Variants in IQGAP2 observed in about 807,000 individuals in gnomAD.
IQGAP2 encodes ras GTPase-activating-like protein IQGAP2.
Under a neutral mutation model 201.3 loss-of-function variants are expected in IQGAP2, and 173 were observed. The ratio of observed to expected loss-of-function variants is 0.86; its 90% CI spans 0.76 to 0.98. IQGAP2 has a LOEUF of 0.98. Ranked by LOEUF, IQGAP2 falls within the 50% of genes least tolerant of loss-of-function variation. The pLI, the probability that IQGAP2 is intolerant of heterozygous loss-of-function variation, is 0.00. For missense variants in IQGAP2, 1,687 were observed against 1,864.8 expected, an observed-to-expected ratio of 0.90 and a Z score of 1.76; for synonymous variants, 675 against 673.9, an observed-to-expected ratio of 1.00 and a Z score of -0.03.
intron 16 of IQGAP2, among the ~76,000 whole-genome samples, chr5:76,638,140 G>A (rs1751290313): frequency 6.6e-6 from 1 of 152,094 alleles, no homozygotes; most frequent in African/African-American, 2.4e-5. Context: ...TCTCTTTTTG[G>A]GGGAACATTT....
At chr5:76,520,839 A>T (rs372172634) in intron 2 of IQGAP2, among the ~76,000 whole-genome samples, 2 of 150,674 alleles carry the variant, frequency 1.3e-5, no homozygotes, top group South Asian at 2.1e-4. Flanking sequence ...TCCCGAGTGG[A>T]TGGGATTACA....
intron 2 of IQGAP2, among the ~76,000 whole-genome samples, chr5:76,484,618 G>A (rs376732794): frequency 1.3e-5 from 2 of 151,678 alleles, no homozygotes; most frequent in Non-Finnish European, 2.9e-5. Flanking sequence ...AAACCTGCAC[G>A]TTGTGCACAT....
chr5:76,580,717 C>T (rs960613195), intron 5 of IQGAP2, among the ~76,000 whole-genome samples: 1 of 152,128 alleles, frequency 6.6e-6, no homozygotes, highest in African/African-American at 2.4e-5. Context: ...CTCTTTCTGG[C>T]CCACTTCCTT....
At chr5:76,685,395 G>C (rs1745648172) in intron 30 of IQGAP2, among the ~76,000 whole-genome samples, 1 of 152,122 alleles carries the variant, frequency 6.6e-6, no homozygotes, top group African/African-American at 2.4e-5. Flanking sequence ...TTCTTAATTA[G>C]TTTTGTCTGC....
At chr5:76,611,754 A>G (rs1282553068) in intron 13 of IQGAP2, among the ~76,000 whole-genome samples, 1 of 152,208 alleles carries the variant, frequency 6.6e-6, no homozygotes, top group Non-Finnish European at 1.5e-5. Flanking sequence ...CTCGAAGACT[A>G]GTGGCTTTTT....
chr5:76,587,758 A>G (rs1746350749), intron 5 of IQGAP2, among the ~76,000 whole-genome samples: 2 of 152,042 alleles, frequency 1.3e-5, no homozygotes, highest in African/African-American at 4.8e-5. Flanking sequence ...CCTAGCCAAC[A>G]TGGTGAAACC....
intron 1 of IQGAP2, among the ~76,000 whole-genome samples, chr5:76,418,217 A>G (rs1423632031): frequency 6.6e-6 from 1 of 151,774 alleles, no homozygotes; most frequent in Non-Finnish European, 1.5e-5. Context: ...AAAAAAAAAA[A>G]AAAAAAAAAG....
chr5:76,509,810 A>T (rs1418150452), intron 2 of IQGAP2, among the ~76,000 whole-genome samples: 1 of 152,144 alleles, frequency 6.6e-6, no homozygotes, highest in African/African-American at 2.4e-5. Context: ...CTTAGTAGAT[A>T]GTCACCCTCC....
At chr5:76,610,110 ATATATTTTTTTTTTTT>A (rs1695310059) in intron 12 of IQGAP2, among the ~76,000 whole-genome samples, 1 of 13,190 alleles carries the variant, frequency 7.6e-5, no homozygotes, top group African/African-American at 2.6e-4. Context: ...ATATATATAT[ATATATTTTTTTTTTTT>A]TTTTTTTTTT....
intron 3 of IQGAP2, among the ~76,000 whole-genome samples, chr5:76,566,222 T>A (rs1448687225): frequency 6.6e-6 from 1 of 151,856 alleles, no homozygotes; most frequent in Non-Finnish European, 1.5e-5. Flanking sequence ...CTAAGTGAAT[T>A]TATAGCTGTG....
intron 2 of IQGAP2, among the ~76,000 whole-genome samples, chr5:76,488,628 A>C (rs934124817): frequency 6.6e-6 from 1 of 152,214 alleles, no homozygotes; most frequent in African/African-American, 2.4e-5. Context: ...CATCTTGTTT[A>C]TGCGAGTCAT....
chr5:76,545,565 T>C (rs896012105), intron 2 of IQGAP2, among the ~76,000 whole-genome samples: 2 of 152,152 alleles, frequency 1.3e-5, no homozygotes, highest in African/African-American at 2.4e-5. Flanking sequence ...CAATGGATCT[T>C]GTTTTGTGTG....
chr5:76,543,010 T>TA (rs1209506214), intron 2 of IQGAP2, among the ~76,000 whole-genome samples: 1 of 152,230 alleles, frequency 6.6e-6, no homozygotes, highest in Non-Finnish European at 1.5e-5. Flanking sequence ...GGTCAGGAAA[T>TA]ACAGTTAGCA....
At chr5:76,548,090 C>G (rs1398474561) in intron 2 of IQGAP2, among the ~76,000 whole-genome samples, 1 of 152,092 alleles carries the variant, frequency 6.6e-6, no homozygotes, top group Non-Finnish European at 1.5e-5. Context: ...TGCTTTTTTC[C>G]TGGGTGATTT....
chr5:76,494,570 A>G (rs534950923), intron 2 of IQGAP2, among the ~76,000 whole-genome samples: 9 of 152,374 alleles, frequency 5.9e-5, no homozygotes, highest in Admixed American at 3.9e-4. Context: ...ACACAGCACA[A>G]AATGCTAAAT....
At position 76,556,168 on chromosome 5, in the gene IQGAP2, G is replaced by C. The variant is rs530238782; in HGVS notation, c.147-6228G>C. ...GTGAATGCCTCGAGTGTTATAGTAGGGTTTCAAGAGGCAGTGTCTGATTTA... is the reference window on the plus strand; with the variant it reads ...GTGAATGCCTCGAGTGTTATAGTAGCGTTTCAAGAGGCAGTGTCTGATTTA... On this transcript the variant is annotated intron_variant, in intron 2 of 35. Transcript: ENST00000274364. Among the ~76,000 whole-genome samples the C allele has an allele frequency of 2.6e-5, 4 of 152,218 alleles. No homozygotes were observed. In the South Asian group the frequency reaches 8.3e-4, roughly 32 times the overall value.
chr5:76,513,312 T>C (rs1216382841), intron 2 of IQGAP2, among the ~76,000 whole-genome samples: 1 of 152,092 alleles, frequency 6.6e-6, no homozygotes, highest in Non-Finnish European at 1.5e-5. Context: ...ACCCTTGAGA[T>C]TTCAAAGATC....
chr5:76,654,937 A>C lies in IQGAP2; in HGVS notation c.2254A>C (p.Asn752His). The change falls in exon 20 of 36, where the codon AAT becomes CAT. Residue 752 changes from asparagine to histidine, a missense_variant. By Grantham distance (68) the Asn-to-His change is moderately conservative (BLOSUM62 1). Coordinates refer to ENST00000274364, the MANE Select transcript of IQGAP2 (RefSeq NM_006633.5). ...GACTTGTCTTAATCTTTTGCAGAATAATGAAATTGTGAAAATACAGTCACT... is the reference window on the plus strand; with the variant it reads ...GACTTGTCTTAATCTTTTGCAGAATCATGAAATTGTGAAAATACAGTCACT... ...SRLQYFRDHNNEIVKIQSLLR... is the reference protein window; with the variant it reads ...SRLQYFRDHNHEIVKIQSLLR... The C allele has an allele frequency of 6.2e-7, 1 of 1,607,956 alleles. No homozygotes were observed. The highest frequency in any genetic ancestry group is 2.2e-5 in the East Asian group (1 of 44,832).
intron 13 of IQGAP2, among the ~76,000 whole-genome samples, chr5:76,614,271 A>G (rs903866710): frequency 2.0e-5 from 3 of 152,198 alleles, no homozygotes; most frequent in Non-Finnish European, 4.4e-5. Flanking sequence ...TGTGTCAGGC[A>G]TCCTTTCTAG....
Sources: allele counts gnomAD v4.1 joint callset (sites outside exome capture counted in the v4.1 genomes callset), GRCh38; gene constraint gnomAD v4.1.1; transcripts MANE v1.5; gene names NCBI Gene and HGNC (gene_info 2026-07-23, HGNC 2026-07-21).